MECOM: variants seen among roughly 807,000 people sequenced by gnomAD.
The protein encoded by MECOM is histone-lysine N-methyltransferase MECOM.
In MECOM, 13 loss-of-function variants were observed where a neutral mutation model predicts 116.3. That is an observed-to-expected ratio of 0.11 (90% confidence interval 0.07 to 0.18). The LOEUF is 0.18. Ranked by LOEUF, MECOM falls within the 10% of genes least tolerant of loss-of-function variation. MECOM has a pLI of 1.00. For synonymous variants in MECOM, 528 were observed against 535.2 expected (o/e 0.99, Z 0.19); for missense variants, 1,299 against 1,509.0 (o/e 0.86, Z 2.31).
intron 1 of MECOM, among the ~76,000 whole-genome samples, chr3:169,469,630 C>T (rs9871425): frequency 0.011 from 1,631 of 152,150 alleles, 24 homozygotes; most frequent in African/African-American, 0.038. Flanking sequence ...AGAAGTCCTC[C>T]TTTCAACTCT....
intron 1 of MECOM, among the ~76,000 whole-genome samples, chr3:169,497,041 T>C (rs553246315): frequency 1.3e-5 from 2 of 152,326 alleles, no homozygotes; most frequent in East Asian, 3.9e-4. Flanking sequence ...AAAAAGAGTT[T>C]ATAAATTCAT....
At chr3:169,293,545 C>A (rs1172692001) in intron 2 of MECOM, among the ~76,000 whole-genome samples, 1 of 152,174 alleles carries the variant, frequency 6.6e-6, no homozygotes, top group Non-Finnish European at 1.5e-5. Context: ...GTTCCAGTGT[C>A]CCTGCTCAGA....
chr3:169,168,884 GGTT>G (rs1336527357), intron 2 of MECOM, among the ~76,000 whole-genome samples: 3 of 151,506 alleles, frequency 2.0e-5, no homozygotes, highest in Admixed American at 6.6e-5. Context: ...ATTTAGAATA[GGTT>G]ATTATAGATA....
intron 2 of MECOM, among the ~76,000 whole-genome samples, chr3:169,242,254 G>A (rs760285598): frequency 9.2e-5 from 14 of 152,190 alleles, no homozygotes; most frequent in Admixed American, 2.0e-4. Context: ...ACAAATTCCT[G>A]ACTCTCAATC....
chr3:169,508,042 T>C (rs1755511056), intron 1 of MECOM, among the ~76,000 whole-genome samples: 1 of 152,146 alleles, frequency 6.6e-6, no homozygotes, highest in Non-Finnish European at 1.5e-5. Flanking sequence ...AGAAAAGAAC[T>C]CTTTTAAGAG....
chr3:169,337,482 C>T (rs1033076749), intron 2 of MECOM, among the ~76,000 whole-genome samples: 3 of 152,106 alleles, frequency 2.0e-5, no homozygotes, highest in Non-Finnish European at 2.9e-5. Context: ...ATCTTTTTAA[C>T]TCAAAATGTC....
intron 1 of MECOM, among the ~76,000 whole-genome samples, chr3:169,468,416 A>G (rs1442821855): frequency 6.6e-6 from 1 of 152,170 alleles, no homozygotes; most frequent in African/African-American, 2.4e-5. Flanking sequence ...TAAACAATTA[A>G]TTGTGTAATT....
chr3:169,483,949 C>A lies in MECOM; in HGVS notation c.38-102425G>T, dbSNP rs1204191725. On this transcript the variant is annotated intron_variant, in intron 1 of 16. Coordinates refer to ENST00000651503, the MANE Select transcript of MECOM (RefSeq NM_004991.4). ...TCTTGCAAAAACTGCTCAAAATTGG[C>A]AGCATCCATGATTCTACAGGGTGGG... The A allele has an allele frequency of 5.0e-6, 8 of 1,605,814 alleles. No homozygotes were observed. The Admixed American group carries it at 8.3e-5, about 17-fold the overall frequency.
intron 1 of MECOM, among the ~76,000 whole-genome samples, chr3:169,440,292 C>G (rs1332597912): frequency 6.6e-6 from 1 of 152,034 alleles, no homozygotes; most frequent in South Asian, 2.1e-4. Context: ...CTTGGCTGTA[C>G]ACAGCTCACA....
Position 169,214,206 on chromosome 3 carries a change from AC to A in MECOM, c.376-70375del, listed in dbSNP as rs1751134083. 1.3e-5 allele frequency among the ~76,000 whole-genome samples: 2 copies of A among 152,118 alleles called. 1 individual carries two copies. Among genetic ancestry groups the A allele is most frequent in the South Asian group, 4.1e-4 (2 of 4,826 alleles). ...TTTTTTTTTAAACTAACATGTATGA[AC>A]ATCAGTGGAAATTAGCAGGCCTCAC... On this transcript the variant is annotated intron_variant, in intron 2 of 16. Coordinates refer to ENST00000651503, the MANE Select transcript of MECOM (RefSeq NM_004991.4).
intron 2 of MECOM, among the ~76,000 whole-genome samples, chr3:169,284,654 T>C (rs1402680021): frequency 6.6e-6 from 1 of 152,038 alleles, no homozygotes; most frequent in Non-Finnish European, 1.5e-5. Context: ...AAGAATGTGC[T>C]GCTCACAAAA....
rs571818046 is a variant in MECOM, at chr3:169,445,660, CA to C, written c.38-64137del. 1.6e-3 allele frequency among the ~76,000 whole-genome samples: 248 copies of C among 152,284 alleles called. 3 individuals carry two copies. Among genetic ancestry groups the C allele is most frequent in the African/African-American group, 5.1e-3 (214 of 41,582 alleles). On this transcript the variant is annotated intron_variant, in intron 1 of 16. Coordinates refer to ENST00000651503, the MANE Select transcript of MECOM (RefSeq NM_004991.4). ...AGTGGAGCTGTGAGAAGGGGACCAC[CA>C]TCCTCCAGACCCCAGAATGGTAGAT...
chr3:169,637,907 G>A (rs1577223711), intron 1 of MECOM, among the ~76,000 whole-genome samples: 1 of 152,162 alleles, frequency 6.6e-6, no homozygotes, highest in Admixed American at 6.5e-5. Flanking sequence ...TAACCTTTGA[G>A]CAAGCAATCC....
At chr3:169,447,636 C>A (rs181549346) in intron 1 of MECOM, among the ~76,000 whole-genome samples, 24 of 152,296 alleles carry the variant, frequency 1.6e-4, no homozygotes, top group African/African-American at 5.8e-4. Context: ...GCAGAGCACA[C>A]AAACAGATGT....
At chr3:169,422,583 A>G (rs114355923) in intron 1 of MECOM, among the ~76,000 whole-genome samples, 1,586 of 152,228 alleles carry the variant, frequency 0.01, 33 homozygotes, top group African/African-American at 0.037. Flanking sequence ...TTGAATGGAA[A>G]GGAATTTATG....
At chr3:169,473,564 A>G (rs1749886015) in intron 1 of MECOM, among the ~76,000 whole-genome samples, 1 of 152,080 alleles carries the variant, frequency 6.6e-6, no homozygotes, top group African/African-American at 2.4e-5. Flanking sequence ...AGGTCAGGAG[A>G]TCGAGACAAT....
At chr3:169,522,871 A>C (rs1757516960) in intron 1 of MECOM, among the ~76,000 whole-genome samples, 2 of 152,202 alleles carry the variant, frequency 1.3e-5, no homozygotes, top group Admixed American at 1.3e-4. Flanking sequence ...TGATTTACAC[A>C]ATTTACCCCA....
At chr3:169,143,197 A>T (rs1473339507) in intron 3 of MECOM, among the ~76,000 whole-genome samples, 1 of 152,078 alleles carries the variant, frequency 6.6e-6, no homozygotes, top group East Asian at 1.9e-4. Flanking sequence ...ATTTTAATTA[A>T]TCTAAAAGTA....
At position 169,084,606 on chromosome 3, in the gene MECOM, G is replaced by A. The variant is rs1717070449; in HGVS notation, c.*303C>T. The A allele has an allele frequency of 6.2e-6, 2 of 324,148 alleles. No individual in the cohort carries two copies. The highest frequency in any genetic ancestry group is 1.5e-4 in the South Asian group (2 of 13,300). 20.1% of individuals were successfully genotyped at this position (324,148 alleles called of 1,614,324 possible). A position where few individuals can be genotyped will look rare whatever the true frequency, so the allele number is the denominator to read the frequency against. On this transcript the variant is annotated 3_prime_UTR_variant, in exon 17 of 17. Transcript: ENST00000651503. ...TCACCCACCCATACCCTAAGGTGGG[G>A]TAAACTGGAAGATGCCTTCAGCCCA... is the stretch of plus-strand genomic sequence containing the variant.
Sources: allele counts gnomAD v4.1 joint callset (sites outside exome capture counted in the v4.1 genomes callset), GRCh38; gene constraint gnomAD v4.1.1; transcripts MANE v1.5; gene names NCBI Gene and HGNC (gene_info 2026-07-23, HGNC 2026-07-21).